ITGB2: variants seen among roughly 807,000 people sequenced by gnomAD.
ITGB2 encodes the protein integrin subunit beta 2.
Under a neutral mutation model 86.8 loss-of-function variants are expected in ITGB2, and 56 were observed. The ratio of observed to expected loss-of-function variants is 0.65; its 90% confidence interval spans 0.52 to 0.81. The LOEUF (loss-of-function observed/expected upper bound fraction) is 0.81, where lower values mean the gene tolerates loss of function less well. Ranked by LOEUF, ITGB2 falls within the 30% of genes least tolerant of loss-of-function variation. ITGB2 has a pLI of 0.00. For missense variants in ITGB2, 948 were observed against 1,061.2 expected, an observed-to-expected ratio of 0.89 and a Z score of 1.48; for synonymous variants, 457 against 450.4, an observed-to-expected ratio of 1.01 and a Z score of -0.19.
At chr21:44,888,292 C>T (rs1299007926) in intron 14 of ITGB2, among the ~76,000 whole-genome samples, 1 of 152,210 alleles carries the variant, frequency 6.6e-6, no homozygotes, top group African/African-American at 2.4e-5. Flanking sequence ...TCCCAATCCC[C>T]TCAAAGGAGC....
intron 4 of ITGB2, 113 bp downstream of exon 4, chr21:44,906,802 C>A (rs2084048464): frequency 1.7e-6 from 2 of 1,176,068 alleles, no homozygotes; most frequent in Non-Finnish European, 2.5e-6. Flanking sequence ...CCCGTCCGAC[C>A]CGGACACATG....
intron 4 of ITGB2, among the ~76,000 whole-genome samples, chr21:44,904,441 G>A (rs563482182): frequency 2.9e-4 from 44 of 150,100 alleles, no homozygotes; most frequent in South Asian, 2.3e-3. Context: ...TAGCACACAC[G>A]CACCCACATA....
chr21:44,926,443 C>T (rs1202454199), intron 1 of ITGB2, among the ~76,000 whole-genome samples: 1 of 152,240 alleles, frequency 6.6e-6, no homozygotes, highest in African/African-American at 2.4e-5. Flanking sequence ...CTGCCCTGCC[C>T]TCTTGCTTTG....
chr21:44,928,151 C>T (rs1294981234), intron 1 of ITGB2: 2 of 152,298 alleles, frequency 1.3e-5, no homozygotes, highest in Admixed American at 6.5e-5. Flanking sequence ...CCCTGACTCA[C>T]CCAAAGGAAG....
In ITGB2 at chr21:44,899,181, G is replaced by A. The variant is rs985549493; in HGVS notation, c.898-19C>T. On this transcript the variant is annotated intron_variant, in intron 7 of 15. Transcript: ENST00000652462. ...GGTAGTCCTGGAGAGAGGAGGTCCT[G>A]CTCAGTTGGCCCCGAGTCCAGGACA... is the stretch of plus-strand genomic sequence containing the variant. 53 of 1,589,958 alleles carry A rather than the reference G, an allele frequency of 3.3e-5. No homozygotes were observed. The highest frequency in any genetic ancestry group is 4.5e-5 in the Non-Finnish European group (52 of 1,158,934).
At chr21:44,915,643 A>G (rs2146556557) in intron 1 of ITGB2, among the ~76,000 whole-genome samples, 1 of 152,270 alleles carries the variant, frequency 6.6e-6, no homozygotes, top group Non-Finnish European at 1.5e-5. Flanking sequence ...ATCAAGATGG[A>G]CTCATTTCTG....
chr21:44,907,920 A>G lies in ITGB2; in HGVS notation c.148-825T>C, dbSNP rs3746972. 0.17 allele frequency: 97,973 copies of G among 591,072 alleles called. 8,693 individuals are homozygous for G. The highest frequency in any genetic ancestry group is 0.25 in the Admixed American group (8,507 of 34,388). The allele number at this position is 591,072 out of a possible 1,614,324, so 36.6% of individuals were successfully genotyped here. A position where few individuals can be genotyped will look rare whatever the true frequency, so the allele number is the denominator to read the frequency against. On this transcript the variant is annotated intron_variant, in intron 3 of 15. Coordinates refer to ENST00000652462, the MANE Select transcript of ITGB2 (RefSeq NM_000211.5). ...AAAGAAGTCCTCCAGAAATAAAAGT[A>G]CATCAGCAAGTATCCCAGCAAGAGA...
chr21:44,913,681 C>A (rs1568905029), intron 1 of ITGB2, among the ~76,000 whole-genome samples: 1 of 152,214 alleles, frequency 6.6e-6, no homozygotes, highest in Non-Finnish European at 1.5e-5. Flanking sequence ...AGCCTGGCAG[C>A]CAGCCTCCCT....
intron 1 of ITGB2, among the ~76,000 whole-genome samples, chr21:44,913,538 G>A (rs1205755260): frequency 6.6e-6 from 1 of 152,204 alleles, no homozygotes; most frequent in Non-Finnish European, 1.5e-5. Context: ...GCTCCTCCAT[G>A]AGCAGCCCTG....
intron 1 of ITGB2, chr21:44,911,173 T>A (rs2084126080): frequency 8.5e-6 from 3 of 352,660 alleles, no homozygotes; most frequent in South Asian, 7.8e-5. Context: ...CACATATACA[T>A]GCATCACACC....
At chr21:44,904,152 A>G (rs998992297) in intron 4 of ITGB2, among the ~76,000 whole-genome samples, 6 of 152,134 alleles carry the variant, frequency 3.9e-5, no homozygotes. Flanking sequence ...ATGAATGAGC[A>G]GGGAGGGAGG....
At chr21:44,900,701 G>T (rs1333351113) in intron 6 of ITGB2, among the ~76,000 whole-genome samples, 1 of 152,196 alleles carries the variant, frequency 6.6e-6, no homozygotes, top group African/African-American at 2.4e-5. Context: ...GGGAGTGGAG[G>T]CACGTGTGGA....
chr21:44,916,767 C>T (rs1398501502), intron 1 of ITGB2, among the ~76,000 whole-genome samples: 2 of 151,614 alleles, frequency 1.3e-5, no homozygotes, highest in Non-Finnish European at 2.9e-5. Flanking sequence ...ACTCGCGAGG[C>T]TGAGGCAGGA....
At chr21:44,895,579 C>T (rs1006105315) in intron 8 of ITGB2, among the ~76,000 whole-genome samples, 4 of 151,088 alleles carry the variant, frequency 2.6e-5, no homozygotes, top group Non-Finnish European at 4.4e-5. Context: ...TGATGGCTCA[C>T]GCCTGTGATC....
intron 10 of ITGB2, 96 bp from the exon 11 acceptor site, chr21:44,892,092 G>GAA (rs2083794133): frequency 7.9e-7 from 1 of 1,272,104 alleles, no homozygotes; most frequent in Non-Finnish European, 1.1e-6. Flanking sequence ...AGGGGTCCTG[G>GAA]GGGGTTCAGC....
At chr21:44,894,604 C>T (rs554303763) in intron 9 of ITGB2, 3 of 353,262 alleles carry the variant, frequency 8.5e-6, no homozygotes, top group East Asian at 1.4e-4. Flanking sequence ...CTTCCCAGGG[C>T]CCAAGTCCAC....
chr21:44,902,337 G>T (rs1025556511), intron 5 of ITGB2, among the ~76,000 whole-genome samples: 4 of 152,230 alleles, frequency 2.6e-5, no homozygotes, highest in African/African-American at 7.2e-5. Context: ...GTGTGAGCAT[G>T]CATTCATGTG....
At chr21:44,894,362 T>C (rs2083832939) in intron 9 of ITGB2, 1 of 167,788 alleles carries the variant, frequency 6.0e-6, no homozygotes, top group African/African-American at 2.4e-5. Context: ...ATCTCTCACC[T>C]GGGGGTAGAT....
intron 14 of ITGB2, 120 bp from the exon 15 acceptor site, chr21:44,887,022 C>T (rs183313565): frequency 8.6e-5 from 106 of 1,234,772 alleles, no homozygotes; most frequent in Non-Finnish European, 8.6e-5. Context: ...CCCAGGGCCC[C>T]GGCTCACCAT....
Sources: allele counts gnomAD v4.1 joint callset (sites outside exome capture counted in the v4.1 genomes callset), GRCh38; gene constraint gnomAD v4.1.1; transcripts MANE v1.5; gene names NCBI Gene and HGNC (gene_info 2026-07-23, HGNC 2026-07-21).